The following KCNJ6 variants were observed in gnomAD, a reference collection of about 807,000 sequenced individuals.
KCNJ6 encodes potassium inwardly rectifying channel subfamily J member 6, also known as G protein-activated inward rectifier potassium channel 2.
In KCNJ6, 9 loss-of-function variants were observed where a neutral mutation model predicts 34.2. The observed-to-expected ratio is 0.26, with a 90% CI of 0.16 to 0.46. The LOEUF is 0.46. KCNJ6 is among the 20% of genes least tolerant of loss of function. The pLI, the probability that KCNJ6 is intolerant of heterozygous loss-of-function variation, is 1.00. For synonymous variants in KCNJ6, 196 were observed against 207.1 expected (o/e 0.95, Z 0.46); for missense variants, 236 against 531.3 (o/e 0.44, Z 5.46).
intron 2 of KCNJ6, among the ~76,000 whole-genome samples, chr21:37,778,899 T>C (rs1233311723): frequency 6.6e-6 from 1 of 151,878 alleles, no homozygotes; most frequent in Non-Finnish European, 1.5e-5. Context: ...ACGCAGCCCT[T>C]TTTTTCTCTG....
intron 1 of KCNJ6, among the ~76,000 whole-genome samples, chr21:37,885,030 C>T (rs2055728495): frequency 6.6e-6 from 1 of 152,218 alleles, no homozygotes; most frequent in South Asian, 2.1e-4. Context: ...TATTTCTCTG[C>T]CATGCTTTCT....
chr21:37,621,782 T>C lies in KCNJ6; in HGVS notation c.*3377A>G, dbSNP rs1346782149. On this transcript the variant is annotated 3_prime_UTR_variant, in exon 4 of 4. Coordinates refer to ENST00000609713, the MANE Select transcript of KCNJ6 (RefSeq NM_002240.5). The stretch of plus-strand genomic sequence containing the variant: ...GAGTGGGGGAAGAGAGAGTTCTGCC[T>C]CATGGACATAGAGGGGATATATGCT... 2 of 152,194 alleles carry C rather than the reference T, an allele frequency of 1.3e-5. No homozygotes were observed. The highest frequency in any genetic ancestry group is 2.9e-5 in the Non-Finnish European group (2 of 68,052). The allele number at this position is 152,194 out of a possible 1,614,324, so 9.4% of individuals were successfully genotyped here.
intron 3 of KCNJ6, among the ~76,000 whole-genome samples, chr21:37,632,119 C>T (rs569082941): frequency 3.2e-4 from 48 of 151,708 alleles, no homozygotes; most frequent in African/African-American, 7.0e-4. Context: ...GGGGGCCGAC[C>T]GGGGGGAGGG....
At chr21:37,861,787 C>T (rs2055596150) in intron 1 of KCNJ6, among the ~76,000 whole-genome samples, 1 of 152,198 alleles carries the variant, frequency 6.6e-6, no homozygotes, top group Non-Finnish European at 1.5e-5. Flanking sequence ...CTGGGGAACA[C>T]TCCGGGCCTT....
At chr21:37,720,739 C>A (rs1045227669) in intron 2 of KCNJ6, among the ~76,000 whole-genome samples, 8 of 147,856 alleles carry the variant, frequency 5.4e-5, no homozygotes, top group African/African-American at 2.0e-4. Flanking sequence ...CTCGCTCTGT[C>A]GCCCAGGCCG....
At chr21:37,683,999 C>G (rs2054601911) in intron 3 of KCNJ6, among the ~76,000 whole-genome samples, 1 of 152,220 alleles carries the variant, frequency 6.6e-6, no homozygotes, top group Non-Finnish European at 1.5e-5. Context: ...CTGTGTCACA[C>G]CTACTCCAAC....
intron 1 of KCNJ6, among the ~76,000 whole-genome samples, chr21:37,904,996 C>T (rs1005945303): frequency 6.6e-6 from 1 of 152,162 alleles, no homozygotes; most frequent in Non-Finnish European, 1.5e-5. Context: ...TGCCCAGCAC[C>T]GCTATTTATT....
At chr21:37,772,340 G>C (rs1260335136) in intron 2 of KCNJ6, among the ~76,000 whole-genome samples, 1 of 151,728 alleles carries the variant, frequency 6.6e-6, no homozygotes, top group African/African-American at 2.4e-5. Flanking sequence ...TGCTTATTTA[G>C]GGTTCATTGA....
Position 37,625,134 on chromosome 21 carries a change from G to C in KCNJ6, c.*25C>G, listed in dbSNP as rs776416343. The C allele has an allele frequency of 6.6e-7, 1 of 1,516,776 alleles. No individual in the cohort carries two copies. The highest frequency in any genetic ancestry group is 1.1e-5 in the South Asian group (1 of 87,162). 94.0% of individuals were successfully genotyped at this position (1,516,776 alleles called of 1,614,324 possible). A position where few individuals can be genotyped will look rare whatever the true frequency, so the allele number is the denominator to read the frequency against. On this transcript the variant is annotated 3_prime_UTR_variant, in exon 4 of 4. Coordinates refer to ENST00000609713, the MANE Select transcript of KCNJ6 (RefSeq NM_002240.5). Reference sequence around the variant, plus strand: ...AGGAAAGATTGTGTTGGGGGGAGAAGAGAAGGGTTTGCCCAGCTAGGGCAC... The same window carrying C: ...AGGAAAGATTGTGTTGGGGGGAGAACAGAAGGGTTTGCCCAGCTAGGGCAC...
chr21:37,670,903 C>T (rs1228197847), intron 3 of KCNJ6, among the ~76,000 whole-genome samples: 1 of 6,762 alleles, frequency 1.5e-4, no homozygotes, highest in East Asian at 0.25. Context: ...GTTTTCACTT[C>T]CTTGGTTTGA....
chr21:37,763,082 A>G (rs191008345), intron 2 of KCNJ6, among the ~76,000 whole-genome samples: 2 of 152,174 alleles, frequency 1.3e-5, no homozygotes, highest in African/African-American at 2.4e-5. Context: ...ATCAGGACCC[A>G]CTGATTTGGG....
rs547260268 is a variant in KCNJ6 at position 37,907,068 on chromosome 21, TC to T, written c.-28+8815del. Reference sequence around the variant, plus strand: ...AGATGTCTAAAAATCTGAAGTGTGCTCTGCCTAACTCGTCATGGAGTCTTGG... The same window carrying T: ...AGATGTCTAAAAATCTGAAGTGTGCTTGCCTAACTCGTCATGGAGTCTTGG... On this transcript the variant is annotated intron_variant, in intron 1 of 3. Coordinates refer to ENST00000609713, the MANE Select transcript of KCNJ6 (RefSeq NM_002240.5). Among the ~76,000 whole-genome samples the T allele has an allele frequency of 6.8e-3, 1,041 of 152,346 alleles. 8 individuals are homozygous for T. Among genetic ancestry groups the T allele is most frequent in the Non-Finnish European group, 0.011 (721 of 68,020 alleles).
chr21:37,650,854 C>T lies in KCNJ6; in HGVS notation c.947-25370G>A, dbSNP rs74344724. Among the ~76,000 whole-genome samples, 634 of 152,332 alleles carry T rather than the reference C, an allele frequency of 4.2e-3. 7 individuals carry two copies. The highest frequency in any genetic ancestry group is 0.014 in the African/African-American group (599 of 41,592). ...CCCTCATCTCCTAATCAGATAATCTCAATGAGATTTGTATCTCTTGTATAC... is the reference window on the plus strand; with the variant it reads ...CCCTCATCTCCTAATCAGATAATCTTAATGAGATTTGTATCTCTTGTATAC... On this transcript the variant is annotated intron_variant, in intron 3 of 3. Transcript: ENST00000609713.
At chr21:37,902,418 T>C (rs1296674387) in intron 1 of KCNJ6, among the ~76,000 whole-genome samples, 1 of 152,246 alleles carries the variant, frequency 6.6e-6, no homozygotes, top group Non-Finnish European at 1.5e-5. Context: ...TGGTGTTTTA[T>C]TTCTTGTACA....
intron 1 of KCNJ6, among the ~76,000 whole-genome samples, chr21:37,847,584 A>G (rs1310016362): frequency 1.3e-5 from 2 of 152,252 alleles, no homozygotes; most frequent in Non-Finnish European, 2.9e-5. Context: ...ATCCAGGTAA[A>G]GCCAGCTTTA....
At chr21:37,867,843 C>G (rs1001110149) in intron 1 of KCNJ6, among the ~76,000 whole-genome samples, 18 of 152,214 alleles carry the variant, frequency 1.2e-4, no homozygotes, top group African/African-American at 4.1e-4. Context: ...GTCATGATCT[C>G]TGAGATATTA....
At chr21:37,721,683 T>C (rs574610077) in intron 2 of KCNJ6, among the ~76,000 whole-genome samples, 2 of 152,192 alleles carry the variant, frequency 1.3e-5, no homozygotes, top group South Asian at 4.1e-4. Flanking sequence ...GACAAACATA[T>C]GGAAGGAAAT....
At position 37,824,624 on chromosome 21, in the gene KCNJ6, C is replaced by A. The variant is rs115736121; in HGVS notation, c.25+16034G>T. Among the ~76,000 whole-genome samples the A allele has an allele frequency of 8.3e-3, 1,258 of 152,198 alleles. 22 individuals are homozygous for A. The highest frequency in any genetic ancestry group is 0.029 in the African/African-American group (1,195 of 41,516). ...TGGGGGCATTTTCCCCCAAGCTGTT[C>A]TTGTGATAGTGAGCTCTCATGAGAT... On this transcript the variant is annotated intron_variant, in intron 2 of 3. Transcript: ENST00000609713.
chr21:37,871,038 C>T (rs75207450), intron 1 of KCNJ6, among the ~76,000 whole-genome samples: 2,096 of 152,296 alleles, frequency 0.014, 45 homozygotes, highest in African/African-American at 0.048. Flanking sequence ...TGATTCTTCT[C>T]TCCCATTCAT....
Sources: allele counts gnomAD v4.1 joint callset (sites outside exome capture counted in the v4.1 genomes callset), GRCh38; gene constraint gnomAD v4.1.1; transcripts MANE v1.5; gene names NCBI Gene and HGNC (gene_info 2026-07-23, HGNC 2026-07-21).